The following KDM4B variants were observed in gnomAD, a reference collection of about 807,000 sequenced individuals.
KDM4B encodes lysine demethylase 4B.
Under a neutral mutation model 125.2 loss-of-function variants are expected in KDM4B, and 32 were observed. That is an observed-to-expected ratio of 0.26 (90% CI 0.19 to 0.34). The LOEUF (loss-of-function observed/expected upper bound fraction) is 0.34. Among genes scored for constraint, KDM4B ranks in the 10% least tolerant of loss-of-function variants. The pLI, the probability that KDM4B is intolerant of heterozygous loss-of-function variation, is 1.00. For missense variants in KDM4B, 1,190 were observed against 1,577.7 expected, an observed-to-expected ratio of 0.75 and a Z score of 4.16; for synonymous variants, 721 against 677.9, an observed-to-expected ratio of 1.06 and a Z score of -0.99.
chr19:5,087,351 G>A (rs1265036493), intron 9 of KDM4B, among the ~76,000 whole-genome samples: 3 of 152,208 alleles, frequency 2.0e-5, no homozygotes, highest in East Asian at 1.9e-4. Context: ...GGGGAGGTAC[G>A]GCTGTGTCCC....
At chr19:5,107,217 G>A (rs556026969) in intron 9 of KDM4B, among the ~76,000 whole-genome samples, 9 of 152,364 alleles carry the variant, frequency 5.9e-5, no homozygotes, top group East Asian at 1.9e-4. Flanking sequence ...CACACCACAC[G>A]ATGGGACACA....
At chr19:5,079,708 G>A (rs1363466055) in intron 8 of KDM4B, among the ~76,000 whole-genome samples, 1 of 152,206 alleles carries the variant, frequency 6.6e-6, no homozygotes, top group East Asian at 1.9e-4. Context: ...AAAGGAATCA[G>A]TAATGGCATT....
At chr19:5,067,088 C>T (rs144624236) in intron 6 of KDM4B, among the ~76,000 whole-genome samples, 3,297 of 152,214 alleles carry the variant, frequency 0.022, 96 homozygotes, top group South Asian at 0.067. Flanking sequence ...CTGTGCAGGC[C>T]ACCCCTCCCT....
intron 6 of KDM4B, among the ~76,000 whole-genome samples, chr19:5,068,463 G>C (rs2037845308): frequency 6.6e-6 from 1 of 152,234 alleles, no homozygotes; most frequent in Admixed American, 6.5e-5. Context: ...GAACGCAAGC[G>C]TGCTTTCAGC....
intron 6 of KDM4B, among the ~76,000 whole-genome samples, chr19:5,067,743 C>G (rs112647079): frequency 6.6e-6 from 1 of 152,136 alleles, no homozygotes; most frequent in South Asian, 2.1e-4. Context: ...GGAGCAGGCC[C>G]GGTTGGGGAC....
rs2038283603 is a variant in KDM4B, at chr19:5,081,207, C to T, written c.781-1160C>T. On this transcript the variant is annotated intron_variant, in intron 8 of 22. Transcript: ENST00000159111. The surrounding 1 kb of genome is among the most constrained non-coding windows in gnomAD (Gnocchi z 4.2). ...GACTTCAAGGATTCTAGTTCATGAGCCTCAGTTTCCACGTCTGTGGATTGG... is the reference window on the plus strand; with the variant it reads ...GACTTCAAGGATTCTAGTTCATGAGTCTCAGTTTCCACGTCTGTGGATTGG... 6.6e-6 allele frequency among the ~76,000 whole-genome samples: 1 copy of T among 152,200 alleles called. No homozygotes were observed. Among genetic ancestry groups the T allele is most frequent in the Non-Finnish European group, 1.5e-5 (1 of 68,034 alleles).
chr19:5,098,992 G>A (rs956553071), intron 9 of KDM4B, among the ~76,000 whole-genome samples: 17 of 152,336 alleles, frequency 1.1e-4, no homozygotes, highest in Admixed American at 2.0e-4. Context: ...CTGCCTCCAA[G>A]GAATGTGCAG....
intron 9 of KDM4B, among the ~76,000 whole-genome samples, chr19:5,107,871 C>T (rs1031745754): frequency 1.3e-5 from 2 of 152,268 alleles, no homozygotes; most frequent in African/African-American, 2.4e-5. Flanking sequence ...TGTGACCCAC[C>T]GGCCTTGCCT....
At chr19:4,994,471 G>A (rs2035136018) in intron 1 of KDM4B, among the ~76,000 whole-genome samples, 1 of 149,328 alleles carries the variant, frequency 6.7e-6, no homozygotes, top group African/African-American at 2.5e-5. Context: ...GCTGAGGCAG[G>A]AGAATCGCTT....
chr19:5,095,864 G>A (rs1290012196), intron 9 of KDM4B, among the ~76,000 whole-genome samples: 2 of 152,116 alleles, frequency 1.3e-5, no homozygotes, highest in Non-Finnish European at 2.9e-5. Flanking sequence ...TGTCGTTTGT[G>A]TGTGTGTTTC....
chr19:5,110,433 C>T (rs1229357939), intron 9 of KDM4B, among the ~76,000 whole-genome samples, 189 bp from the exon 10 acceptor site: 1 of 152,210 alleles, frequency 6.6e-6, no homozygotes, highest in Non-Finnish European at 1.5e-5. Flanking sequence ...GATTGCACCA[C>T]TGCACTCCAG....
At chr19:5,109,824 CCT>C (rs1215973112) in intron 9 of KDM4B, among the ~76,000 whole-genome samples, 1 of 152,244 alleles carries the variant, frequency 6.6e-6, no homozygotes, top group Non-Finnish European at 1.5e-5. Context: ...TTCCGGGATT[CCT>C]GTTGGTTCTC....
intron 9 of KDM4B, among the ~76,000 whole-genome samples, chr19:5,087,599 A>C (rs1305970385): frequency 1.3e-5 from 2 of 151,280 alleles, no homozygotes; most frequent in Non-Finnish European, 2.9e-5. Context: ...GTCATTTTTG[A>C]CTCCCCTGCT....
In KDM4B at chr19:5,078,506, TTCCG is replaced by T. The variant is rs1470228015; in HGVS notation, c.780+1037_780+1040del. The T allele has an allele frequency of 6.6e-6, 1 of 151,982 alleles. No homozygotes were observed. Among genetic ancestry groups the T allele is most frequent in the African/African-American group, 2.4e-5 (1 of 41,384 alleles). 9.4% of individuals were successfully genotyped at this position (151,982 alleles called of 1,614,324 possible). A position where few individuals can be genotyped will look rare whatever the true frequency, so the allele number is the denominator to read the frequency against. On this transcript the variant is annotated intron_variant, in intron 8 of 22. Transcript: ENST00000159111. The surrounding 1 kb of genome is among the most constrained non-coding windows in gnomAD (Gnocchi z 4.5). ...AGATCTCGCTCGGAGAAGTGCGCAT[TTCCG>T]GCCTTTCCTCTTCTCCCCCGTCTTC... is the stretch of plus-strand genomic sequence containing the variant.
chr19:5,119,277 C>G (rs1599224890), intron 10 of KDM4B: 2 of 1,173,322 alleles, frequency 1.7e-6, no homozygotes, highest in Non-Finnish European at 2.4e-6. Context: ...CTGCTGTTTC[C>G]CTCGGAGCTC....
intron 1 of KDM4B, among the ~76,000 whole-genome samples, chr19:4,975,073 TCTC>T (rs2145290207): frequency 6.6e-6 from 1 of 152,210 alleles, no homozygotes; most frequent in South Asian, 2.1e-4. Flanking sequence ...CTTCCCTACT[TCTC>T]CTCCTTTGCA....
At chr19:5,106,935 C>T (rs2039046372) in intron 9 of KDM4B, among the ~76,000 whole-genome samples, 1 of 152,202 alleles carries the variant, frequency 6.6e-6, no homozygotes, top group Non-Finnish European at 1.5e-5. Flanking sequence ...AGGCTGACCC[C>T]AAGGCAGGGC....
chr19:5,102,862 G>A (rs374937123), intron 9 of KDM4B, among the ~76,000 whole-genome samples: 4 of 152,350 alleles, frequency 2.6e-5, no homozygotes, highest in African/African-American at 9.6e-5. Flanking sequence ...CACGTCCGGT[G>A]CTGTGGCGAT....
In KDM4B at chr19:5,082,555, T is replaced by C. The variant is rs1438338084; in HGVS notation, c.918+51T>C. 9 of 1,525,108 alleles carry C rather than the reference T, an allele frequency of 5.9e-6. No homozygotes were observed. The African/African-American group carries it at 1.3e-4, about 21-fold the overall frequency. The allele number at this position is 1,525,108 out of a possible 1,614,324, so 94.5% of individuals were successfully genotyped here. On this transcript the variant is annotated intron_variant, in intron 9 of 22. Coordinates refer to ENST00000159111, the MANE Select transcript of KDM4B (RefSeq NM_015015.3). This position sits in a 1 kb window ranked among gnomAD's most constrained non-coding sequence, Gnocchi z 5.4. The stretch of plus-strand genomic sequence containing the variant: ...GTCCCAGCAGGGCGGGAGGAGGCTC[T>C]TTTTTGCCTCTGCAGCCACACGCCC...
Sources: allele counts gnomAD v4.1 joint callset (sites outside exome capture counted in the v4.1 genomes callset), GRCh38; gene constraint gnomAD v4.1.1; non-coding constraint Gnocchi (gnomAD v3.1); transcripts MANE v1.5; gene names NCBI Gene and HGNC (gene_info 2026-07-23, HGNC 2026-07-21).